IER3IP1: variants seen among roughly 807,000 people sequenced by gnomAD.
IER3IP1 encodes the protein immediate early response 3-interacting protein 1.
IER3IP1 carries 16 observed loss-of-function variants against 12.2 expected under a neutral mutation model. The ratio of observed to expected loss-of-function variants is 1.31; its 90% CI spans 0.89 to 1.99. The LOEUF (loss-of-function observed/expected upper bound fraction) is 1.99, where lower values mean the gene tolerates loss of function less well. Among genes scored for constraint, IER3IP1 ranks in the 30% most tolerant of loss-of-function variants. The pLI is 0.00. For synonymous variants in IER3IP1, 42 were observed against 40.0 expected (o/e 1.05, Z -0.19); for missense variants, 95 against 95.8 (o/e 0.99, Z 0.03).
At chr18:47,168,250 A>G (rs192838641) in intron 1 of IER3IP1, among the ~76,000 whole-genome samples, 1 of 148,910 alleles carries the variant, frequency 6.7e-6, no homozygotes, top group African/African-American at 2.5e-5. Context: ...TGCAGTGAGC[A>G]GAGATCATGC....
At chr18:47,157,844 T>C (rs1304862981) in intron 1 of IER3IP1, among the ~76,000 whole-genome samples, 1 of 152,144 alleles carries the variant, frequency 6.6e-6, no homozygotes, top group African/African-American at 2.4e-5. Context: ...TTTTAAAATA[T>C]CATACAAAAT....
In IER3IP1 at chr18:47,176,348, G is replaced by A. The variant is rs983206285; in HGVS notation, c.-71C>T. The stretch of plus-strand genomic sequence containing the variant: ...GCCGCAAGGGACGTGGCGCCTCCAC[G>A]GCCGGCGCCTTCCTACGGAAGCCGA... On this transcript the variant is annotated 5_prime_UTR_variant, in exon 1 of 3. Transcript: ENST00000256433. 2.3e-6 allele frequency: 3 copies of A among 1,329,914 alleles called. No individual in the cohort carries two copies. Among genetic ancestry groups the A allele is most frequent in the Admixed American group, 2.0e-5 (1 of 51,002 alleles). 82.4% of individuals were successfully genotyped at this position (1,329,914 alleles called of 1,614,324 possible). A position where few individuals can be genotyped will look rare whatever the true frequency, so the allele number is the denominator to read the frequency against.
Position 47,172,421 on chromosome 18 carries a change from C to G in IER3IP1, c.91+3766G>C, listed in dbSNP as rs1485343344. The stretch of plus-strand genomic sequence containing the variant: ...AAAATCACCAATGACCTCCACTACC[C>G]TGAATCAGGATTCTTTTCAGTCCTT... On this transcript the variant is annotated intron_variant, in intron 1 of 2. Coordinates refer to ENST00000256433, the MANE Select transcript of IER3IP1 (RefSeq NM_016097.5). This position sits in a 1 kb window ranked among gnomAD's most constrained non-coding sequence, Gnocchi z 4.0. 6.6e-6 allele frequency among the ~76,000 whole-genome samples: 1 copy of G among 152,190 alleles called. No individual in the cohort carries two copies. The highest frequency in any genetic ancestry group is 1.5e-5 in the Non-Finnish European group (1 of 68,042).
At chr18:47,169,666 CATT>C (rs1171819398) in intron 1 of IER3IP1, among the ~76,000 whole-genome samples, 39 of 151,294 alleles carry the variant, frequency 2.6e-4, no homozygotes, top group African/African-American at 9.4e-4. Flanking sequence ...AGTGGTATCT[CATT>C]ATGGTTTCGG....
At chr18:47,173,066 C>T (rs1429605304) in intron 1 of IER3IP1, among the ~76,000 whole-genome samples, 2 of 152,166 alleles carry the variant, frequency 1.3e-5, no homozygotes, top group Admixed American at 6.5e-5. Flanking sequence ...TTTCAATCTC[C>T]GCCCTAATTC....
intron 1 of IER3IP1, among the ~76,000 whole-genome samples, chr18:47,160,480 GAC>G (rs918940443): frequency 1.3e-5 from 2 of 152,320 alleles, no homozygotes; most frequent in African/African-American, 4.8e-5. Context: ...GCAGGCAAAT[GAC>G]ACATTTTTAA....
Position 47,154,306 on chromosome 18 carries a change from A to G in IER3IP1, c.*1871T>C, listed in dbSNP as rs2063950857. The G allele has an allele frequency of 6.6e-6, 1 of 152,236 alleles. No individual in the cohort carries two copies. Among genetic ancestry groups the G allele is most frequent in the Non-Finnish European group, 1.5e-5 (1 of 68,046 alleles). The allele number at this position is 152,236 out of a possible 1,614,324, so 9.4% of individuals were successfully genotyped here. A position where few individuals can be genotyped will look rare whatever the true frequency, so the allele number is the denominator to read the frequency against. On this transcript the variant is annotated 3_prime_UTR_variant, in exon 3 of 3. Transcript: ENST00000256433. ...GACCCCTCTTCAGCCACAAACTGGA[A>G]TTATGAAGTGGCCTCCAGATATGAC...
chr18:47,163,536 C>T (rs1323720898), intron 1 of IER3IP1, among the ~76,000 whole-genome samples: 1 of 152,122 alleles, frequency 6.6e-6, no homozygotes, highest in Non-Finnish European at 1.5e-5. Flanking sequence ...CTGTGGAAAG[C>T]GAAACTGTGA....
intron 1 of IER3IP1, among the ~76,000 whole-genome samples, chr18:47,163,911 T>C (rs932519072): frequency 6.6e-5 from 10 of 152,204 alleles, no homozygotes; most frequent in African/African-American, 2.4e-4. Context: ...TAGTTTCATT[T>C]TCTTTACTTG....
At chr18:47,156,430 A>T (rs1016447665) in intron 2 of IER3IP1, among the ~76,000 whole-genome samples, 198 bp from the exon 3 acceptor site, 2 of 151,972 alleles carry the variant, frequency 1.3e-5, no homozygotes, top group African/African-American at 4.8e-5. Flanking sequence ...GAGAACTTGT[A>T]TAACTGGGAG....
chr18:47,176,352 G>C lies in IER3IP1; in HGVS notation c.-75C>G. ...CAAGGGACGTGGCGCCTCCACGGCC[G>C]GCGCCTTCCTACGGAAGCCGATGGG... On this transcript the variant is annotated 5_prime_UTR_variant, in exon 1 of 3. Coordinates refer to ENST00000256433, the MANE Select transcript of IER3IP1 (RefSeq NM_016097.5). The C allele has an allele frequency of 7.6e-7, 1 of 1,316,946 alleles. No individual in the cohort carries two copies. The highest frequency in any genetic ancestry group is 1.3e-5 in the South Asian group (1 of 79,454). 81.6% of individuals were successfully genotyped at this position (1,316,946 alleles called of 1,614,324 possible). A position where few individuals can be genotyped will look rare whatever the true frequency, so the allele number is the denominator to read the frequency against.
intron 1 of IER3IP1, among the ~76,000 whole-genome samples, chr18:47,164,279 A>G (rs1347616882): frequency 2.3e-5 from 3 of 132,732 alleles, no homozygotes; most frequent in Non-Finnish European, 3.4e-5. Flanking sequence ...CACCAGAATG[A>G]AAAAAAAAAA....
At chr18:47,170,327 T>C (rs1051064101) in intron 1 of IER3IP1, among the ~76,000 whole-genome samples, 8 of 152,204 alleles carry the variant, frequency 5.3e-5, no homozygotes, top group Non-Finnish European at 8.8e-5. Flanking sequence ...AGTTTTAAAA[T>C]TGGAAAGCAC....
chr18:47,156,601 G>T (rs2063960010), intron 2 of IER3IP1, among the ~76,000 whole-genome samples: 1 of 152,108 alleles, frequency 6.6e-6, no homozygotes, highest in South Asian at 2.1e-4. Context: ...ATTCTGTAGT[G>T]TCATTTTACT....
chr18:47,162,153 C>A (rs2063981873), intron 1 of IER3IP1, among the ~76,000 whole-genome samples: 1 of 152,096 alleles, frequency 6.6e-6, no homozygotes, highest in Non-Finnish European at 1.5e-5. Context: ...GGGTCCCCAA[C>A]CCCCAGGCCA....
chr18:47,167,944 T>C (rs2064001274), intron 1 of IER3IP1, among the ~76,000 whole-genome samples: 2 of 151,482 alleles, frequency 1.3e-5, no homozygotes, highest in Non-Finnish European at 2.9e-5. Flanking sequence ...GCCAACATGG[T>C]GAAACACAGT....
intron 1 of IER3IP1, among the ~76,000 whole-genome samples, chr18:47,169,944 T>G (rs576976844): frequency 6.4e-4 from 98 of 152,266 alleles, no homozygotes; most frequent in Non-Finnish European, 1.2e-3. Context: ...GAAATCCAAT[T>G]TATCTATTTT....
chr18:47,167,796 T>A (rs2064000755), intron 1 of IER3IP1, among the ~76,000 whole-genome samples: 1 of 152,172 alleles, frequency 6.6e-6, no homozygotes, highest in Non-Finnish European at 1.5e-5. Context: ...ACCCAAAATG[T>A]CTGAAACAAT....
intron 1 of IER3IP1, among the ~76,000 whole-genome samples, chr18:47,166,682 C>T (rs909277481): frequency 2.6e-5 from 4 of 151,936 alleles, no homozygotes; most frequent in Non-Finnish European, 5.9e-5. Context: ...CTGAGAGAAG[C>T]GAAACTGGAG....
Sources: gnomAD v4.1 joint callset for allele counts (sites outside exome capture counted in the v4.1 genomes callset) on GRCh38, gnomAD v4.1.1 for gene constraint, Gnocchi (gnomAD v3.1) non-coding constraint, MANE v1.5 for transcripts, NCBI Gene and HGNC (gene_info 2026-07-23, HGNC 2026-07-21) for gene names.